TTN: variants seen among roughly 807,000 people sequenced by gnomAD.
TTN encodes titin.
A neutral mutation model predicts 3,223.0 loss-of-function variants in TTN; 1,525 were observed. The observed-to-expected ratio is 0.47, with a 90% CI of 0.45 to 0.49. The LOEUF (loss-of-function observed/expected upper bound fraction) is 0.49. Among genes scored for constraint, TTN ranks in the 20% least tolerant of loss-of-function variants. The pLI is 0.00. For missense variants in TTN, 40,786 were observed against 43,424.0 expected (o/e 0.94, Z 5.40); for synonymous variants, 14,094 against 15,161.0 (o/e 0.93, Z 5.17).
At chr2:178,626,257 C>A (rs1010219923) in intron 240 of TTN, among the ~76,000 whole-genome samples, 4 of 152,100 alleles carry the variant, frequency 2.6e-5, no homozygotes, top group Non-Finnish European at 5.9e-5. Context: ...ATAATTTGTA[C>A]AACCTATTAA....
chr2:178,665,901 G>A (rs1025896429), intron 163 of TTN, 110 bp from the exon 164 acceptor site: 8 of 468,120 alleles, frequency 1.7e-5, no homozygotes, highest in African/African-American at 4.0e-5. Flanking sequence ...CCCACTCCCC[G>A]CCCCCAGAAT....
Position 178,576,770 on chromosome 2 carries a change from G to T in TTN, c.69474C>A (p.Val23158=). The stretch of plus-strand genomic sequence containing the variant: ...CATCATCCACTGGCCTTTTCCAGCT[G>T]ACAGTGGCAGTGTTCTTAGTGACAT... The part of the protein sequence containing the change: ...VSNVTKNTAT[V]SWKRPVDDGG... The change falls in exon 325 of 363, where the codon GTC becomes GTA. Residue 23158 remains valine, a synonymous_variant. Transcript: ENST00000589042. This position sits in a 1 kb window ranked among gnomAD's most constrained non-coding sequence, Gnocchi z 4.3. The T allele has an allele frequency of 6.2e-7, 1 of 1,613,388 alleles. No homozygotes were observed. The highest frequency in any genetic ancestry group is 8.5e-7 in the Non-Finnish European group (1 of 1,179,614).
At position 178,592,946 on chromosome 2, in the gene TTN, C is replaced by G; in HGVS notation, c.59173G>C (p.Glu19725Gln). 6.2e-7 allele frequency: 1 copy of G among 1,613,508 alleles called. No individual in the cohort carries two copies. ...GTGTGATTGGCTCTTCTCCACTCTT[C>G]ATCTCCAACTTTCTGGTACTCAACA... Reference protein sequence around the residue: ...YIVEYQKVGDEEWRRANHTPE... With the variant: ...YIVEYQKVGDQEWRRANHTPE... The change falls in exon 300 of 363, where the codon GAA becomes CAA. Residue 19725 changes from glutamate to glutamine, a missense_variant. Transcript: ENST00000589042.
In TTN at chr2:178,605,496, A is replaced by G. The variant is rs1264546013; in HGVS notation, c.53799T>C (p.Tyr17933=). Residue 17933 remains tyrosine (Y), a synonymous_variant, in exon 279 of 363, where the codon TAT becomes TAC. Transcript: ENST00000589042. ...CATTGACAGCTTTGACACGGAACTCATACATTTGGTGTTCATCAAGATTTT... is the reference window on the plus strand; with the variant it reads ...CATTGACAGCTTTGACACGGAACTCGTACATTTGGTGTTCATCAAGATTTT... ...LVENLDEHQM[Y]EFRVKAVNEI... is the part of the protein sequence containing the mutation. 1 of 1,612,290 alleles carries G rather than the reference A, an allele frequency of 6.2e-7. No homozygotes were observed. Among genetic ancestry groups the G allele is most frequent in the Non-Finnish European group, 8.5e-7 (1 of 1,178,934 alleles).
chr2:178,546,888 C>G lies in TTN; in HGVS notation c.94540G>C (p.Glu31514Gln), dbSNP rs1697413804. ...QNPVDAPGRP[E>Q]VTDVTRSTVS... ...GTTGATCTTGTGACATCTGTCACCT[C>G]TGGTCTGCCTGGTGCATCTGGAAGG... Residue 31514 changes from glutamate to glutamine, a missense_variant, in exon 341 of 363, where the codon GAG (glutamate) becomes CAG (glutamine). Glu to Gln is a conservative substitution (Grantham distance 29). Transcript: ENST00000589042. 6.3e-7 allele frequency: 1 copy of G among 1,587,924 alleles called. No individual in the cohort carries two copies. Among genetic ancestry groups the G allele is most frequent in the Non-Finnish European group, 8.6e-7 (1 of 1,164,016 alleles).
chr2:178,728,085 CAAG>C (rs1228071739), intron 67 of TTN, 22 bp downstream of exon 67: 2 of 1,528,586 alleles, frequency 1.3e-6, no homozygotes, highest in East Asian at 2.3e-5. Context: ...AAGGAAGAAT[CAAG>C]AAGAGGTAAA....
At chr2:178,598,200 A>G (rs1326588981) in intron 292 of TTN, 142 bp from the exon 293 acceptor site, 1 of 985,924 alleles carries the variant, frequency 1.0e-6, no homozygotes, top group African/African-American at 1.6e-5. Flanking sequence ...TAGGGATCAG[A>G]TATTACAGGC....
Position 178,653,909 on chromosome 2 carries a change from T to A in TTN, c.38465-12A>T. 5 of 1,588,446 alleles carry A rather than the reference T, an allele frequency of 3.1e-6. No individual in the cohort carries two copies. The highest frequency in any genetic ancestry group is 4.3e-6 in the Non-Finnish European group (5 of 1,174,392). On this transcript the variant is annotated splice_polypyrimidine_tract_variant and intron_variant, in intron 194 of 362. Transcript: ENST00000589042. ...AGGAACTTCTGGCACTTGAAAGATATTAGTAGTTTTATACTTAGGTTAATG... is the reference window on the plus strand; with the variant it reads ...AGGAACTTCTGGCACTTGAAAGATAATAGTAGTTTTATACTTAGGTTAATG...
chr2:178,796,788 A>C (rs1476888466), intron 6 of TTN, among the ~76,000 whole-genome samples: 1 of 152,164 alleles, frequency 6.6e-6, no homozygotes, highest in African/African-American at 2.4e-5. Context: ...AGGTAAGCCC[A>C]TAACTGTGAA....
Position 178,594,483 on chromosome 2 carries a change from G to T in TTN, c.58011C>A (p.Asp19337Glu). The stretch of plus-strand genomic sequence containing the variant: ...CAGTGTATTTTCTGCTAAGCAAGTT[G>T]TCATTTGTAACTTTGTGGAACTTCT... ...GTEKFHKVTN[D>E]NLLSRKYTVK... The change falls in exon 296 of 363, where the codon GAC becomes GAA. Residue 19337 changes from aspartate to glutamate, a missense_variant. Coordinates refer to ENST00000589042, the MANE Select transcript of TTN (RefSeq NM_001267550.2). The T allele has an allele frequency of 1.2e-6, 2 of 1,613,292 alleles. No homozygotes were observed. The highest frequency in any genetic ancestry group is 1.1e-5 in the South Asian group (1 of 91,042).
rs755997425 is a variant in TTN at position 178,741,843 on chromosome 2, G to A, written c.11390C>T (p.Thr3797Ile). ...TGGAGATTCAGACAAAAGTTCAAGT[G>A]TTTCATTTATTTTAGATAATTGAAG... ...AELQLSKINE[T>I]LELLSESPVY... The change falls in exon 48 of 363, where the codon ACA becomes ATA. Residue 3797 changes from threonine to isoleucine, a missense_variant. Thr to Ile is a moderately conservative substitution (Grantham distance 89). Coordinates refer to ENST00000589042, the MANE Select transcript of TTN (RefSeq NM_001267550.2). 4 of 1,607,774 alleles carry A rather than the reference G, an allele frequency of 2.5e-6. No homozygotes were observed. The highest frequency in any genetic ancestry group is 1.1e-5 in the South Asian group (1 of 90,376).
rs1447296765 is a variant in TTN, at chr2:178,728,235, A to G, written c.19589T>C (p.Val6530Ala). 3 of 1,613,214 alleles carry G rather than the reference A, an allele frequency of 1.9e-6. No individual in the cohort carries two copies. The East Asian group carries it at 6.7e-5, about 36-fold the overall frequency. Residue 6530 changes from valine to alanine, a missense_variant, in exon 67 of 363, where the codon GTG (valine) becomes GCG (alanine). Val to Ala is a moderately conservative substitution (Grantham distance 64). Coordinates refer to ENST00000589042, the MANE Select transcript of TTN (RefSeq NM_001267550.2). ...CAGAGACACAGATCTCTCATGGCAC[A>G]CAAGTCTGTATTTTGCACTTGTAGA... ...EISTSAKYRL[V>A]CHERSVSLEV...
Position 178,604,974 on chromosome 2 carries a change from G to C in TTN, c.54190+13C>G. On this transcript the variant is annotated intron_variant, in intron 280 of 362. Coordinates refer to ENST00000589042, the MANE Select transcript of TTN (RefSeq NM_001267550.2). The stretch of plus-strand genomic sequence containing the variant: ...CTGGATGCCTTTTTGATGTAAGAAA[G>C]CAAGTCACTTACCATATACTTCAAC... The C allele has an allele frequency of 1.3e-6, 2 of 1,588,422 alleles. No homozygotes were observed. Among genetic ancestry groups the C allele is most frequent in the Non-Finnish European group, 1.7e-6 (2 of 1,165,482 alleles).
rs760483525 is a variant in TTN, at chr2:178,617,337, T to C, written c.47748A>G (p.Glu15916=). The C allele has an allele frequency of 7.6e-6, 12 of 1,580,672 alleles. No homozygotes were observed. The highest frequency in any genetic ancestry group is 1.9e-5 in the Admixed American group (1 of 52,766). Reference sequence around the variant, plus strand: ...GCAAATGACCTACCTTGTAAGTCAGTTCAGGGACAAGTTTCATATTGCAAC... The same window carrying C: ...GCAAATGACCTACCTTGTAAGTCAGCTCAGGGACAAGTTTCATATTGCAAC... The part of the protein sequence containing the change: ...WIRCNMKLVP[E]LTYKVTGLEK... Residue 15916 remains glutamate, a synonymous_variant, in exon 254 of 363, where the codon GAA becomes GAG. Coordinates refer to ENST00000589042, the MANE Select transcript of TTN (RefSeq NM_001267550.2).
At chr2:178,792,872 T>C (rs1325224208) in intron 9 of TTN, among the ~76,000 whole-genome samples, 4 of 152,214 alleles carry the variant, frequency 2.6e-5, no homozygotes, top group African/African-American at 9.6e-5. Flanking sequence ...CTAACTGGCA[T>C]TTTCCAATCT....
In TTN at chr2:178,732,316, T is replaced by C; in HGVS notation, c.16653A>G (p.Pro5551=). 1 of 1,606,118 alleles carries C rather than the reference T, an allele frequency of 6.2e-7. No individual in the cohort carries two copies. The highest frequency in any genetic ancestry group is 2.2e-5 in the East Asian group (1 of 44,788). ...CATCTCCCTTCTTTAACAGCTGTGA[T>C]GGCTCTAACTTTTCAACAAATGTGG... The part of the protein sequence containing the change: ...EPATFVEKLE[P]SQLLKKGDAT... The change falls in exon 57 of 363, where the codon CCA becomes CCG. Residue 5551 remains proline, a synonymous_variant. Transcript: ENST00000589042.
Position 178,689,726 on chromosome 2 carries a change from TAAAC to T in TTN, c.31846+83_31846+86del, listed in dbSNP as rs1448437896. The stretch of plus-strand genomic sequence containing the variant: ...TCACCACAAAACATTCATTTAGAAT[TAAAC>T]TAACTCAATGAACAGATAATTAAAC... On this transcript the variant is annotated intron_variant, in intron 122 of 362. Coordinates refer to ENST00000589042, the MANE Select transcript of TTN (RefSeq NM_001267550.2). 7.6e-6 allele frequency: 11 copies of T among 1,452,958 alleles called. No individual in the cohort carries two copies. The East Asian group carries it at 1.8e-4, about 24-fold the overall frequency. The allele number at this position is 1,452,958 out of a possible 1,614,324, so 90.0% of individuals were successfully genotyped here.
chr2:178,636,084 G>A lies in TTN; in HGVS notation c.41487C>T (p.Gly13829=), dbSNP rs531726095. ...TCAGAGCCCGCATCAAGCCAATGAC[G>A]CCTGGCACAATTCGGCCAGGTTTCT... ...VVEKPGRIVP[G]VIGLMRALTI... Residue 13829 remains glycine (G), a synonymous_variant, in exon 226 of 363, where the codon GGC becomes GGT. Coordinates refer to ENST00000589042, the MANE Select transcript of TTN (RefSeq NM_001267550.2). The surrounding 1 kb of genome is among the most constrained non-coding windows in gnomAD (Gnocchi z 4.3). The A allele has an allele frequency of 1.1e-5, 17 of 1,613,166 alleles. No individual in the cohort carries two copies. The highest frequency in any genetic ancestry group is 8.9e-5 in the East Asian group (4 of 44,698).
rs138639062 is a variant in TTN, at chr2:178,764,013, T to C, written c.10114+164A>G. Reference sequence around the variant, plus strand: ...GGCACAAAATAGTGAAAAACACTTATCTAATTCTTAATTTAATAATTGAAA... The same window carrying C: ...GGCACAAAATAGTGAAAAACACTTACCTAATTCTTAATTTAATAATTGAAA... On this transcript the variant is annotated intron_variant, in intron 43 of 362. Transcript: ENST00000589042. Among the ~76,000 whole-genome samples the C allele has an allele frequency of 3.8e-3, 573 of 152,348 alleles. 3 individuals carry two copies. Among genetic ancestry groups the C allele is most frequent in the African/African-American group, 0.013 (540 of 41,574 alleles).
Sources: gnomAD v4.1 joint callset for allele counts (sites outside exome capture counted in the v4.1 genomes callset) on GRCh38, gnomAD v4.1.1 for gene constraint, Gnocchi (gnomAD v3.1) non-coding constraint, MANE v1.5 for transcripts, NCBI Gene and HGNC (gene_info 2026-07-23, HGNC 2026-07-21) for gene names.